GPHN: variants seen among roughly 807,000 people sequenced by gnomAD.
The protein encoded by GPHN is gephyrin.
GPHN carries 17 observed loss-of-function variants against 95.5 expected under a neutral mutation model. That is an observed-to-expected ratio of 0.18 (90% CI 0.12 to 0.27). The LOEUF is 0.27. Among genes scored for constraint, GPHN ranks in the 10% least tolerant of loss-of-function variants. GPHN has a pLI of 1.00. For synonymous variants in GPHN, 320 were observed against 322.5 expected (o/e 0.99, Z 0.08); for missense variants, 660 against 978.1 (o/e 0.67, Z 4.34).
intron 1 of GPHN, among the ~76,000 whole-genome samples, chr14:66,571,133 G>A (rs1263688238): frequency 6.6e-6 from 1 of 152,154 alleles, no homozygotes; most frequent in Non-Finnish European, 1.5e-5. Context: ...CATGGCTAGG[G>A]AGGCCTCAGG....
intron 3 of GPHN, among the ~76,000 whole-genome samples, chr14:66,777,334 G>A (rs868130037): frequency 6.6e-6 from 1 of 152,140 alleles, no homozygotes; most frequent in Non-Finnish European, 1.5e-5. Context: ...ATAATCAGTA[G>A]CCTACCAACC....
At chr14:67,021,148 A>G (rs920686763) in intron 9 of GPHN, among the ~76,000 whole-genome samples, 3 of 152,140 alleles carry the variant, frequency 2.0e-5, no homozygotes, top group Admixed American at 1.3e-4. Context: ...TATTTGCTAC[A>G]TGCATAAATA....
At chr14:67,108,277 C>G (rs1460253818) in intron 13 of GPHN, among the ~76,000 whole-genome samples, 1 of 152,088 alleles carries the variant, frequency 6.6e-6, no homozygotes, top group African/African-American at 2.4e-5. Flanking sequence ...AACTGCAGCC[C>G]AGGAGGAAAA....
intron 1 of GPHN, among the ~76,000 whole-genome samples, chr14:66,591,036 A>G (rs886253581): frequency 1.3e-5 from 2 of 152,192 alleles, no homozygotes; most frequent in African/African-American, 4.8e-5. Flanking sequence ...CATTATGTAA[A>G]CCGAAGCAAC....
At chr14:67,597,901 A>G in the GPHN span, among the ~76,000 whole-genome samples, 1 of 152,234 alleles carries the variant, frequency 6.6e-6, no homozygotes, top group Non-Finnish European at 1.5e-5. Flanking sequence ...CCAGGTTGGA[A>G]TAAACAAGGG....
chr14:66,850,541 GT>G (rs2062536963), intron 4 of GPHN, among the ~76,000 whole-genome samples: 1 of 152,030 alleles, frequency 6.6e-6, no homozygotes, highest in Admixed American at 6.6e-5. Flanking sequence ...TGTATAAATG[GT>G]TTTCAACCAG....
chr14:67,367,541 C>T, the GPHN span, among the ~76,000 whole-genome samples: 1 of 152,250 alleles, frequency 6.6e-6, no homozygotes, highest in Non-Finnish European at 1.5e-5. Context: ...ATCCAGGTCA[C>T]TTTGTGCTAA....
chr14:66,738,921 A>G (rs1270508753), intron 2 of GPHN, among the ~76,000 whole-genome samples: 4 of 152,126 alleles, frequency 2.6e-5, no homozygotes, highest in Non-Finnish European at 5.9e-5. Flanking sequence ...TTAATCAACT[A>G]TTATTATGGA....
the GPHN span, among the ~76,000 whole-genome samples, chr14:67,190,493 G>A: frequency 6.6e-6 from 1 of 152,230 alleles, no homozygotes; most frequent in African/African-American, 2.4e-5. Flanking sequence ...AAAGTTCTGG[G>A]ATTACAGGCG....
intron 10 of GPHN, among the ~76,000 whole-genome samples, chr14:67,036,548 C>T (rs1406383371): frequency 1.4e-5 from 2 of 147,106 alleles, no homozygotes; most frequent in Non-Finnish European, 3.0e-5. Flanking sequence ...CACAGAGAAA[C>T]ACTAACTGTT....
the GPHN span, among the ~76,000 whole-genome samples, chr14:67,202,042 A>G: frequency 1.3e-5 from 2 of 152,210 alleles, no homozygotes; most frequent in African/African-American, 2.4e-5. Context: ...TCTCTTCCTC[A>G]GGGGAGACTT....
the GPHN span, chr14:67,571,528 G>A: frequency 4.1e-6 from 2 of 481,986 alleles, no homozygotes; most frequent in Non-Finnish European, 7.5e-6. Flanking sequence ...CAGCTGCTTT[G>A]GGGACCACAG....
At chr14:66,606,353 G>A (rs2062534394) in intron 1 of GPHN, among the ~76,000 whole-genome samples, 1 of 152,034 alleles carries the variant, frequency 6.6e-6, no homozygotes, top group Non-Finnish European at 1.5e-5. Context: ...TGGTCTATGT[G>A]TCTGTTTTTG....
the GPHN span, among the ~76,000 whole-genome samples, chr14:67,481,294 G>C: frequency 6.6e-6 from 1 of 152,098 alleles, no homozygotes; most frequent in South Asian, 2.1e-4. Context: ...AAAAAAGAAA[G>C]AAAGAAAGAA....
At chr14:67,328,550 C>G in the GPHN span, among the ~76,000 whole-genome samples, 1 of 152,160 alleles carries the variant, frequency 6.6e-6, no homozygotes. Context: ...GAAGTCCTTG[C>G]CCATGCCTAT....
At chr14:67,292,582 A>G in the GPHN span, 3 of 1,613,724 alleles carry the variant, frequency 1.9e-6, no homozygotes, top group South Asian at 2.2e-5. Flanking sequence ...CCAGGAGGAT[A>G]TTTCACTGCT....
At chr14:67,152,692 C>A (rs1025713315) in intron 18 of GPHN, among the ~76,000 whole-genome samples, 1 of 152,186 alleles carries the variant, frequency 6.6e-6, no homozygotes, top group Admixed American at 6.5e-5. Flanking sequence ...ACTGGCGGGG[C>A]GCGGTGGCTC....
chr14:67,121,579 A>G (rs183783914), intron 16 of GPHN, among the ~76,000 whole-genome samples: 5 of 152,294 alleles, frequency 3.3e-5, no homozygotes, highest in East Asian at 3.9e-4. Flanking sequence ...CTACTCTACA[A>G]TCTGACTACC....
chr14:67,107,125 G>C (rs2078085596), intron 13 of GPHN, among the ~76,000 whole-genome samples: 1 of 152,184 alleles, frequency 6.6e-6, no homozygotes, highest in South Asian at 2.1e-4. Flanking sequence ...ATAGAAGTTT[G>C]TGTCAGTGGT....
Sources: gnomAD v4.1 joint callset for allele counts (sites outside exome capture counted in the v4.1 genomes callset) on GRCh38, gnomAD v4.1.1 for gene constraint, MANE v1.5 for transcripts, NCBI Gene and HGNC (gene_info 2026-07-23, HGNC 2026-07-21) for gene names.